NEK6: variants seen among roughly 807,000 people sequenced by gnomAD.
The protein encoded by NEK6 is NIMA related kinase 6.
NEK6 carries 27 observed loss-of-function variants against 43.5 expected under a neutral mutation model. The observed-to-expected ratio is 0.62, with a 90% CI of 0.46 to 0.86. The LOEUF is 0.86. Ranked by LOEUF, NEK6 falls within the 40% of genes least tolerant of loss-of-function variation. The probability of loss-of-function intolerance (pLI) is 0.00; values close to 1 mark genes in which losing one functional copy is unlikely to be tolerated. For synonymous variants in NEK6, 167 were observed against 164.1 expected (o/e 1.02, Z -0.14); for missense variants, 318 against 414.4 (o/e 0.77, Z 2.02).
intron 3 of NEK6, among the ~76,000 whole-genome samples, chr9:124,313,412 C>T (rs960785662): frequency 6.6e-6 from 1 of 152,048 alleles, no homozygotes; most frequent in African/African-American, 2.4e-5. Flanking sequence ...GTCTATCACC[C>T]AGGCTGTAGT....
At position 124,326,345 on chromosome 9, in the gene NEK6, A is replaced by C; in HGVS notation, c.421A>C (p.Lys141Gln). The change falls in exon 6 of 10, where the codon AAG (lysine) becomes CAG (glutamine). Residue 141 changes from lysine (K) to glutamine (Q), a missense_variant. By Grantham distance (53) the Lys-to-Gln change is moderately conservative (BLOSUM62 1). Coordinates refer to ENST00000320246, the MANE Select transcript of NEK6 (RefSeq NM_014397.6). This position sits in a 1 kb window ranked among gnomAD's most constrained non-coding sequence, Gnocchi z 4.5. The stretch of plus-strand genomic sequence containing the variant: ...CCCACTGCAGTACTTTAAGAAGCAG[A>C]AGCGGCTCATCCCGGAGAGGACAGT... Reference protein sequence around the residue: ...SQMIKYFKKQKRLIPERTVWK... With the variant: ...SQMIKYFKKQQRLIPERTVWK... 1 of 1,611,274 alleles carries C rather than the reference A, an allele frequency of 6.2e-7. No homozygotes were observed. Among genetic ancestry groups the C allele is most frequent in the Non-Finnish European group, 8.5e-7 (1 of 1,179,762 alleles).
intron 4 of NEK6, among the ~76,000 whole-genome samples, chr9:124,320,507 C>T (rs1432733755): frequency 6.6e-6 from 1 of 152,208 alleles, no homozygotes; most frequent in Non-Finnish European, 1.5e-5. Context: ...TGGTGGTTGG[C>T]TGGTGTCTGG....
intron 1 of NEK6, among the ~76,000 whole-genome samples, chr9:124,290,104 G>A (rs533118713): frequency 2.6e-5 from 4 of 152,360 alleles, no homozygotes; most frequent in East Asian, 1.9e-4. Flanking sequence ...CACACCGTAC[G>A]GGTGGTAGGA....
chr9:124,316,444 A>C lies in NEK6; in HGVS notation c.294+2459A>C, dbSNP rs374308384. Among the ~76,000 whole-genome samples, 8 of 152,308 alleles carry C rather than the reference A, an allele frequency of 5.3e-5. No individual in the cohort carries two copies. The East Asian group carries it at 1.2e-3, about 22-fold the overall frequency. On this transcript the variant is annotated intron_variant, in intron 4 of 9. Coordinates refer to ENST00000320246, the MANE Select transcript of NEK6 (RefSeq NM_014397.6). ...GCAGAGCCCCTGATGGCAGAGATTC[A>C]AAGGACAGGGACCCTTACTCTCAGC...
In NEK6 at chr9:124,341,817, G is replaced by GTC. The variant is rs1402904221; in HGVS notation, c.717+2153_717+2154insCT. On this transcript the variant is annotated intron_variant, in intron 8 of 9. Transcript: ENST00000320246. ...TCTTTAGCCATAGGAGACAAGACAT[G>GTC]TTAAGTCCAAACTCTTCTGAGACAG... Among the ~76,000 whole-genome samples, 340 of 152,306 alleles carry GTC rather than the reference G, an allele frequency of 2.2e-3. 1 individual carries two copies. Among genetic ancestry groups the GTC allele is most frequent in the African/African-American group, 7.7e-3 (318 of 41,560 alleles).
intron 1 of NEK6, chr9:124,292,441 T>C (rs1832466496): frequency 8.5e-6 from 13 of 1,536,748 alleles, no homozygotes; most frequent in Non-Finnish European, 1.1e-5. Flanking sequence ...CCTTCCTGCC[T>C]GTGGGAAGGA....
chr9:124,296,388 A>C (rs1427696253), intron 1 of NEK6, among the ~76,000 whole-genome samples: 1 of 152,152 alleles, frequency 6.6e-6, no homozygotes, highest in Non-Finnish European at 1.5e-5. Flanking sequence ...GTGTCTGGCC[A>C]AGGCTGACCT....
At chr9:124,312,996 T>C (rs1324126974) in intron 3 of NEK6, among the ~76,000 whole-genome samples, 2 of 152,122 alleles carry the variant, frequency 1.3e-5, no homozygotes, top group African/African-American at 4.8e-5. Flanking sequence ...TTGGGGGAGC[T>C]GAGGTTCATA....
chr9:124,283,594 T>A (rs1832021658), intron 1 of NEK6, among the ~76,000 whole-genome samples: 1 of 152,198 alleles, frequency 6.6e-6, no homozygotes, highest in African/African-American at 2.4e-5. Context: ...TCTGCACCCC[T>A]TACCAGCCAT....
intron 7 of NEK6, among the ~76,000 whole-genome samples, chr9:124,331,274 C>CAAA (rs56150651): frequency 7.4e-6 from 1 of 135,168 alleles, no homozygotes; most frequent in Non-Finnish European, 1.6e-5. Flanking sequence ...AAAAAAAAAA[C>CAAA]AAAACATTTT....
At chr9:124,263,440 T>A (rs1831111496) in intron 1 of NEK6, among the ~76,000 whole-genome samples, 1 of 152,210 alleles carries the variant, frequency 6.6e-6, no homozygotes. Context: ...CCACTGAGCC[T>A]CAGCGTCATC....
At chr9:124,318,758 G>A (rs1427270930) in intron 4 of NEK6, among the ~76,000 whole-genome samples, 1 of 151,966 alleles carries the variant, frequency 6.6e-6, no homozygotes. Flanking sequence ...TGCAACCACC[G>A]TCTCCCGGGT....
At chr9:124,292,116 G>A (rs2119058331) in intron 1 of NEK6, 1 of 1,093,404 alleles carries the variant, frequency 9.1e-7, no homozygotes, top group Non-Finnish European at 1.1e-6. Flanking sequence ...GCCTCCTGCT[G>A]TGGGAACCGC....
intron 2 of NEK6, among the ~76,000 whole-genome samples, chr9:124,303,606 T>G (rs1187230051): frequency 6.6e-6 from 1 of 152,166 alleles, no homozygotes; most frequent in East Asian, 1.9e-4. Context: ...TGGGGGTGTG[T>G]GTATATGCAT....
chr9:124,274,182 C>G (rs576381568), intron 1 of NEK6, among the ~76,000 whole-genome samples: 1 of 152,356 alleles, frequency 6.6e-6, no homozygotes, highest in South Asian at 2.1e-4. Flanking sequence ...AGATCCTTGG[C>G]CATGGAGGAC....
At chr9:124,270,129 C>T (rs1831382340) in intron 1 of NEK6, among the ~76,000 whole-genome samples, 1 of 152,152 alleles carries the variant, frequency 6.6e-6, no homozygotes. Flanking sequence ...CCATGTGCTC[C>T]ATCCCCCGGC....
chr9:124,348,123 G>A (rs1830046528), intron 9 of NEK6, among the ~76,000 whole-genome samples: 1 of 152,202 alleles, frequency 6.6e-6, no homozygotes, highest in African/African-American at 2.4e-5. Flanking sequence ...CTCTGCTGCA[G>A]GTCCCCAGGA....
chr9:124,303,362 T>C (rs1337438846), intron 2 of NEK6, among the ~76,000 whole-genome samples: 1 of 62,482 alleles, frequency 1.6e-5, no homozygotes, highest in East Asian at 1.0e-3. Flanking sequence ...GATTGGCTGA[T>C]GTTTGACCTC....
chr9:124,258,098 G>T lies in NEK6; in HGVS notation c.-30+13G>T. The T allele has an allele frequency of 1.0e-6, 1 of 979,062 alleles. No individual in the cohort carries two copies. The highest frequency in any genetic ancestry group is 1.2e-6 in the Non-Finnish European group (1 of 827,480). The allele number at this position is 979,062 out of a possible 1,614,324, so 60.6% of individuals were successfully genotyped here. Reference sequence around the variant, plus strand: ...CGCCCGCGCGCCGGTGAGTCGCCTGGGGCTGGGGCCGGGCCGGTGGGGCCC... The same window carrying T: ...CGCCCGCGCGCCGGTGAGTCGCCTGTGGCTGGGGCCGGGCCGGTGGGGCCC... On this transcript the variant is annotated intron_variant, in intron 1 of 9. Coordinates refer to ENST00000320246, the MANE Select transcript of NEK6 (RefSeq NM_014397.6).
Sources: allele counts gnomAD v4.1 joint callset (sites outside exome capture counted in the v4.1 genomes callset), GRCh38; gene constraint gnomAD v4.1.1; non-coding constraint Gnocchi (gnomAD v3.1); transcripts MANE v1.5; gene names NCBI Gene and HGNC (gene_info 2026-07-23, HGNC 2026-07-21).